Variants in PCSK5 observed in about 807,000 individuals in gnomAD.
PCSK5 encodes the protein prohormone convertase 5.
A neutral mutation model predicts 233.2 loss-of-function variants in PCSK5; 129 were observed. That is an observed-to-expected ratio of 0.55 (90% CI 0.48 to 0.64). PCSK5 has a LOEUF of 0.64. Among genes scored for constraint, PCSK5 ranks in the 30% least tolerant of loss-of-function variants. The pLI is 0.00. For missense variants in PCSK5, 2,076 were observed against 2,430.1 expected, an observed-to-expected ratio of 0.85 and a Z score of 3.06; for synonymous variants, 825 against 879.2, an observed-to-expected ratio of 0.94 and a Z score of 1.09.
rs554699768 is a variant in PCSK5 at position 76,336,501 on chromosome 9, C to T, written c.4749-1729C>T. Among the ~76,000 whole-genome samples the T allele has an allele frequency of 1.5e-3, 235 of 152,226 alleles. 1 individual carries two copies. The highest frequency in any genetic ancestry group is 5.3e-3 in the African/African-American group (220 of 41,546). ...TATCTTGCTTGCAAACCTTTGTTTG[C>T]CTTCAATTAATGCACTATTTTGTTG... On this transcript the variant is annotated intron_variant, in intron 34 of 37. Transcript: ENST00000674117.
chr9:76,049,605 C>T (rs1386539858), intron 5 of PCSK5, among the ~76,000 whole-genome samples: 1 of 152,190 alleles, frequency 6.6e-6, no homozygotes, highest in Non-Finnish European at 1.5e-5. Context: ...GACAAAGCTC[C>T]ACCCACCTTC....
At chr9:76,154,074 TC>T (rs1372232219) in intron 10 of PCSK5, among the ~76,000 whole-genome samples, 1 of 152,214 alleles carries the variant, frequency 6.6e-6, no homozygotes, top group Non-Finnish European at 1.5e-5. Flanking sequence ...TTGAGGGAGT[TC>T]CTCTGCCCAA....
chr9:75,944,204 T>C (rs1824456279), intron 2 of PCSK5, among the ~76,000 whole-genome samples: 2 of 149,498 alleles, frequency 1.3e-5, no homozygotes, highest in Admixed American at 6.7e-5. Context: ...TATATACACA[T>C]ATACATATAT....
intron 5 of PCSK5, among the ~76,000 whole-genome samples, chr9:76,046,178 T>TTG (rs1204562140): frequency 1.6e-3 from 194 of 120,338 alleles, no homozygotes; most frequent in Non-Finnish European, 2.0e-3. Context: ...TTTTTTTTTT[T>TTG]TTTTTTTTTT....
At chr9:76,347,484 G>A (rs546900077) in intron 35 of PCSK5, among the ~76,000 whole-genome samples, 2 of 152,280 alleles carry the variant, frequency 1.3e-5, no homozygotes, top group South Asian at 4.2e-4. Flanking sequence ...CAATTAATTG[G>A]TGTAGGAGAT....
chr9:76,075,357 A>G (rs981460393), intron 7 of PCSK5, among the ~76,000 whole-genome samples: 6 of 152,064 alleles, frequency 3.9e-5, no homozygotes, highest in African/African-American at 1.4e-4. Context: ...CGTATCTTCA[A>G]TTTCAGTGAG....
chr9:76,230,053 A>G (rs1826026420), intron 21 of PCSK5, among the ~76,000 whole-genome samples: 6 of 152,164 alleles, frequency 3.9e-5, no homozygotes, highest in South Asian at 2.1e-4. Context: ...TTCTACTTTT[A>G]TAGAGAAAAA....
chr9:76,343,391 T>A (rs950981930), intron 35 of PCSK5, among the ~76,000 whole-genome samples: 1 of 146,360 alleles, frequency 6.8e-6, no homozygotes, highest in African/African-American at 2.5e-5. Flanking sequence ...TGAGTAGAGA[T>A]GGGGTTTCAC....
At chr9:75,974,118 A>G (rs183121641) in intron 2 of PCSK5, among the ~76,000 whole-genome samples, 25 of 152,098 alleles carry the variant, frequency 1.6e-4, no homozygotes, top group Admixed American at 1.6e-3. Flanking sequence ...CCTCTAATTG[A>G]CTGTGGTGGG....
intron 24 of PCSK5, among the ~76,000 whole-genome samples, chr9:76,267,901 A>C (rs1827385332): frequency 6.6e-6 from 1 of 152,038 alleles, no homozygotes; most frequent in Admixed American, 6.6e-5. Context: ...CTTTTTATTC[A>C]GTAATGCACT....
At chr9:76,216,769 T>C (rs982587255) in intron 20 of PCSK5, among the ~76,000 whole-genome samples, 2 of 152,266 alleles carry the variant, frequency 1.3e-5, no homozygotes, top group African/African-American at 4.8e-5. Flanking sequence ...GGAGTCTGTT[T>C]TCTTAAGGGG....
chr9:76,149,481 A>G (rs533165119), intron 10 of PCSK5, among the ~76,000 whole-genome samples: 4 of 152,350 alleles, frequency 2.6e-5, no homozygotes, highest in African/African-American at 9.6e-5. Context: ...AATTAAATAA[A>G]GAATTATCTA....
At chr9:76,177,282 G>C (rs1424511493) in intron 14 of PCSK5, among the ~76,000 whole-genome samples, 1 of 151,538 alleles carries the variant, frequency 6.6e-6, no homozygotes, top group South Asian at 2.1e-4. Flanking sequence ...AACAGAGTGA[G>C]ACTCAGTCTC....
chr9:76,045,071 G>T (rs2131541853), intron 5 of PCSK5, among the ~76,000 whole-genome samples: 1 of 152,258 alleles, frequency 6.6e-6, no homozygotes, highest in African/African-American at 2.4e-5. Context: ...AGAGGAACAT[G>T]ATAATACATT....
At chr9:76,050,823 A>G (rs1345204696) in intron 5 of PCSK5, among the ~76,000 whole-genome samples, 3 of 152,160 alleles carry the variant, frequency 2.0e-5, no homozygotes, top group South Asian at 4.1e-4. Context: ...TAATGTGCTA[A>G]TAGGGTAGTA....
At chr9:76,072,426 C>CA (rs1402346948) in intron 7 of PCSK5, among the ~76,000 whole-genome samples, 3 of 152,254 alleles carry the variant, frequency 2.0e-5, no homozygotes, top group South Asian at 2.1e-4. Flanking sequence ...CACTCTCCCA[C>CA]AAAAAACTAA....
chr9:76,316,033 G>C (rs557195033), intron 30 of PCSK5, among the ~76,000 whole-genome samples: 1 of 141,990 alleles, frequency 7.0e-6, no homozygotes, highest in African/African-American at 2.6e-5. Flanking sequence ...ATCTGAAAAA[G>C]ATTTATTCGT....
chr9:76,191,081 C>T (rs988409680), intron 20 of PCSK5, among the ~76,000 whole-genome samples: 2 of 44,704 alleles, frequency 4.5e-5, no homozygotes, highest in Non-Finnish European at 4.5e-5. Flanking sequence ...AAATAACTTA[C>T]GCTGAAGCGA....
At chr9:76,041,623 C>T (rs571184098) in intron 5 of PCSK5, among the ~76,000 whole-genome samples, 74 of 152,122 alleles carry the variant, frequency 4.9e-4, no homozygotes, top group African/African-American at 1.6e-3. Flanking sequence ...GGGCGGATCA[C>T]GAGGTCAAGA....
Sources: allele counts gnomAD v4.1 joint callset (sites outside exome capture counted in the v4.1 genomes callset), GRCh38; gene constraint gnomAD v4.1.1; transcripts MANE v1.5; gene names NCBI Gene and HGNC (gene_info 2026-07-23, HGNC 2026-07-21).